ZC3H4: variants seen among roughly 807,000 people sequenced by gnomAD.
ZC3H4 encodes the protein zinc finger CCCH-type containing 4, also known as zinc finger CCCH domain-containing protein 4.
In ZC3H4, 13 loss-of-function variants were observed where a neutral mutation model predicts 108.3. That is an observed-to-expected ratio of 0.12 (90% confidence interval 0.08 to 0.19). The LOEUF is 0.19. ZC3H4 is among the 10% of genes least tolerant of loss of function. The pLI, the probability that ZC3H4 is intolerant of heterozygous loss-of-function variation, is 1.00. For synonymous variants in ZC3H4, 917 were observed against 749.6 expected (o/e 1.22, Z -3.65); for missense variants, 1,734 against 1,838.8 (o/e 0.94, Z 1.04).
chr19:47,076,920 G>A (rs1486077410), intron 11 of ZC3H4, among the ~76,000 whole-genome samples: 1 of 152,082 alleles, frequency 6.6e-6, no homozygotes, highest in Non-Finnish European at 1.5e-5. Flanking sequence ...TTGAACCTGG[G>A]AGGCGGAAAC....
chr19:47,086,559 T>C, intron 5 of ZC3H4, 21 bp from the exon 6 acceptor site: 2 of 1,563,966 alleles, frequency 1.3e-6, no homozygotes, highest in East Asian at 2.3e-5. Context: ...ATTCAGATAG[T>C]GAGCCTCCAG....
intron 2 of ZC3H4, among the ~76,000 whole-genome samples, chr19:47,098,499 A>C (rs2057858072): frequency 6.6e-6 from 1 of 150,848 alleles, no homozygotes; most frequent in Non-Finnish European, 1.5e-5. Context: ...AAAAAAAAAA[A>C]AAAAAACTAA....
intron 13 of ZC3H4, among the ~76,000 whole-genome samples, chr19:47,070,660 C>T (rs2057310413): frequency 6.6e-6 from 1 of 152,182 alleles, no homozygotes; most frequent in Admixed American, 6.5e-5. Flanking sequence ...AGTACCTGCT[C>T]TCCCAGGTCC....
chr19:47,097,806 CTT>C (rs1017831778), intron 2 of ZC3H4, among the ~76,000 whole-genome samples: 2 of 152,200 alleles, frequency 1.3e-5, no homozygotes, highest in Non-Finnish European at 2.9e-5. Context: ...GCCAAACTCT[CTT>C]GAGACAAGCA....
chr19:47,069,491 G>C, intron 13 of ZC3H4, 148 bp from the exon 14 acceptor site: 1 of 1,052,836 alleles, frequency 9.5e-7, no homozygotes, highest in Non-Finnish European at 1.3e-6. Flanking sequence ...GGTCTCAGGG[G>C]AACAGAGCGG....
chr19:47,086,839 G>A (rs534525296), intron 5 of ZC3H4, among the ~76,000 whole-genome samples: 1 of 152,324 alleles, frequency 6.6e-6, no homozygotes, highest in South Asian at 2.1e-4. Flanking sequence ...CCAGCCCATG[G>A]GCTAATGTGC....
intron 11 of ZC3H4, among the ~76,000 whole-genome samples, chr19:47,079,764 G>A (rs1380404249): frequency 6.6e-6 from 1 of 152,202 alleles, no homozygotes; most frequent in Non-Finnish European, 1.5e-5. Flanking sequence ...GCATGCGCCT[G>A]TAGTCCCAGC....
chr19:47,071,981 A>C lies in ZC3H4; in HGVS notation c.1943T>G (p.Met648Arg). The change falls in exon 13 of 15, where the codon ATG (methionine) becomes AGG (arginine). Residue 648 changes from methionine to arginine, a missense_variant. By Grantham distance (91) the Met-to-Arg change is moderately conservative. This residue lies in a region of ZC3H4 where 540 missense variants were observed against 484.1 expected (regional missense o/e 1.12). Transcript: ENST00000253048. Reference sequence around the variant, plus strand: ...AGGGCCCATCGGCATGTCTGCGTGCATGTCTGCGTGCATGTCAGGGTGCAT... The same window carrying C: ...AGGGCCCATCGGCATGTCTGCGTGCCTGTCTGCGTGCATGTCAGGGTGCAT... ...PDMHPDMHAD[M>R]HADMPMGPGM... 6.2e-7 allele frequency: 1 copy of C among 1,608,540 alleles called. No individual in the cohort carries two copies. Among genetic ancestry groups the C allele is most frequent in the Middle Eastern group, 1.7e-4 (1 of 6,052 alleles).
chr19:47,094,542 G>A lies in ZC3H4; in HGVS notation c.228C>T (p.Ser76=), dbSNP rs779840948. The A allele has an allele frequency of 1.9e-5, 31 of 1,614,006 alleles. No individual in the cohort carries two copies. The highest frequency in any genetic ancestry group is 3.3e-4 in the Middle Eastern group (2 of 6,084). Residue 76 remains serine (S), a synonymous_variant, in exon 3 of 15, where the codon TCC becomes TCT. Coordinates refer to ENST00000253048, the MANE Select transcript of ZC3H4 (RefSeq NM_015168.2). The part of the protein sequence containing the change: ...DDGAEETQDT[S]GGPERSRKEK... ...CTTTCCGGCTTCTCTCAGGCCCTCC[G>A]GAGGTATCCTGGGTCTCCTCTGCCC...
intron 6 of ZC3H4, among the ~76,000 whole-genome samples, chr19:47,085,795 G>C (rs891635782): frequency 6.6e-6 from 1 of 152,226 alleles, no homozygotes; most frequent in Non-Finnish European, 1.5e-5. Flanking sequence ...GGCTGGAAAT[G>C]TCTCTAGAGG....
intron 2 of ZC3H4, chr19:47,096,935 G>GCGA: frequency 1.0e-6 from 1 of 985,376 alleles, no homozygotes; most frequent in Non-Finnish European, 1.2e-6. Context: ...GGCACAGCAG[G>GCGA]CGACAGTCTT....
chr19:47,090,005 T>C lies in ZC3H4; in HGVS notation c.677A>G (p.Gln226Arg). ...GCTGCCCTCCTTGGCACGCCGGTAC[T>C]GGTTCAGCTCTTTGGTGAAGTCGTC... is the stretch of plus-strand genomic sequence containing the variant. ...DYDDFTKELNQYRRAKEGSSR... is the reference protein window; with the variant it reads ...DYDDFTKELNRYRRAKEGSSR... The change falls in exon 5 of 15, where the codon CAG (glutamine) becomes CGG (arginine). Residue 226 changes from glutamine (Q) to arginine (R), a missense_variant. By Grantham distance (43) the Gln-to-Arg change is conservative. Transcript: ENST00000253048. 6.2e-7 allele frequency: 1 copy of C among 1,614,230 alleles called. No individual in the cohort carries two copies. The highest frequency in any genetic ancestry group is 8.5e-7 in the Non-Finnish European group (1 of 1,180,032).
chr19:47,068,131 C>T (rs1344714927), intron 14 of ZC3H4, among the ~76,000 whole-genome samples: 1 of 152,224 alleles, frequency 6.6e-6, no homozygotes, highest in Non-Finnish European at 1.5e-5. Flanking sequence ...AACTCACAAC[C>T]ACCCCAGGAG....
chr19:47,112,619 A>C, intron 1 of ZC3H4, 30 bp from the exon 2 acceptor site: 1 of 1,216,518 alleles, frequency 8.2e-7, no homozygotes, highest in East Asian at 3.2e-5. Flanking sequence ...TTAATGCACG[A>C]AAAAGGACTG....
At chr19:47,084,305 TATGGCC>T (rs1398393539) in intron 9 of ZC3H4, 34 bp downstream of exon 9, 1 of 1,581,518 alleles carries the variant, frequency 6.3e-7, no homozygotes, top group Admixed American at 1.7e-5. Context: ...CTCTGGGGGC[TATGGCC>T]TCCTAGAGGT....
intron 11 of ZC3H4, among the ~76,000 whole-genome samples, chr19:47,080,477 G>A (rs536243944): frequency 6.6e-6 from 1 of 152,154 alleles, no homozygotes; most frequent in African/African-American, 2.4e-5. Context: ...TCCTTGCCTC[G>A]TCTTTGTGTA....
At chr19:47,091,620 G>A (rs906663068) in intron 4 of ZC3H4, among the ~76,000 whole-genome samples, 2 of 149,876 alleles carry the variant, frequency 1.3e-5, no homozygotes, top group Admixed American at 6.7e-5. Flanking sequence ...AAGCGTGGTA[G>A]CTCACGCCTG....
chr19:47,106,740 G>T (rs943470134), intron 2 of ZC3H4, among the ~76,000 whole-genome samples: 1 of 152,194 alleles, frequency 6.6e-6, no homozygotes, highest in Non-Finnish European at 1.5e-5. Flanking sequence ...TCTAAATAAA[G>T]TCTTCATGAT....
At chr19:47,096,977 C>G (rs2057831729) in intron 2 of ZC3H4, 1 of 985,268 alleles carries the variant, frequency 1.0e-6, no homozygotes, top group Non-Finnish European at 1.2e-6. Context: ...CCTTCCCTGT[C>G]CTGATGCCAC....
Sources: gnomAD v4.1 joint callset for allele counts (sites outside exome capture counted in the v4.1 genomes callset) on GRCh38, gnomAD v4.1.1 for gene constraint, gnomAD v4.1.1 regional missense constraint, MANE v1.5 for transcripts, NCBI Gene and HGNC (gene_info 2026-07-23, HGNC 2026-07-21) for gene names.